LPAR1: variants seen among roughly 807,000 people sequenced by gnomAD.
LPAR1 encodes the protein LPA receptor 1.
In LPAR1, 5 loss-of-function variants were observed where a neutral mutation model predicts 23.8. The ratio of observed to expected loss-of-function variants is 0.21; its 90% CI spans 0.11 to 0.44. The LOEUF (loss-of-function observed/expected upper bound fraction) is 0.44. LPAR1 is among the 20% of genes least tolerant of loss of function. The pLI is 0.99. For missense variants in LPAR1, 311 were observed against 482.8 expected, an observed-to-expected ratio of 0.64 and a Z score of 3.33; for synonymous variants, 160 against 164.7, an observed-to-expected ratio of 0.97 and a Z score of 0.22.
At chr9:111,018,220 T>C (rs1014283135) in intron 2 of LPAR1, among the ~76,000 whole-genome samples, 7 of 152,216 alleles carry the variant, frequency 4.6e-5, no homozygotes, top group Admixed American at 4.6e-4. Flanking sequence ...AAGTTTCCCA[T>C]TGCTCTAATC....
intron 2 of LPAR1, among the ~76,000 whole-genome samples, chr9:110,995,703 C>T (rs1353327027): frequency 1.3e-5 from 2 of 152,144 alleles, no homozygotes; most frequent in African/African-American, 4.8e-5. Flanking sequence ...ATATACAATT[C>T]TATGAATAGC....
intron 5 of LPAR1, among the ~76,000 whole-genome samples, chr9:110,940,972 T>A (rs2095060331): frequency 6.6e-6 from 1 of 152,198 alleles, no homozygotes. Flanking sequence ...ATACTACCTA[T>A]AATGTAGCAA....
chr9:110,892,938 A>G (rs750474372), intron 5 of LPAR1, among the ~76,000 whole-genome samples: 106 of 152,240 alleles, frequency 7.0e-4, no homozygotes, highest in Admixed American at 1.1e-3. Context: ...GGGGAAACCC[A>G]TGATTGTCCA....
chr9:111,008,348 C>T (rs2097261931), intron 2 of LPAR1, among the ~76,000 whole-genome samples: 1 of 152,060 alleles, frequency 6.6e-6, no homozygotes, highest in South Asian at 2.1e-4. Context: ...CATAAGCACA[C>T]ACCTCCACCT....
At chr9:110,982,329 AC>A (rs1184134110) in intron 2 of LPAR1, among the ~76,000 whole-genome samples, 1 of 152,176 alleles carries the variant, frequency 6.6e-6, no homozygotes, top group African/African-American at 2.4e-5. Flanking sequence ...CTTTTCAGGG[AC>A]ATGGATGAAA....
At chr9:110,921,665 T>G (rs889866612) in intron 5 of LPAR1, among the ~76,000 whole-genome samples, 1 of 152,164 alleles carries the variant, frequency 6.6e-6, no homozygotes, top group Non-Finnish European at 1.5e-5. Context: ...TTTTCCGGGT[T>G]GATACTCCAA....
intron 2 of LPAR1, among the ~76,000 whole-genome samples, chr9:110,996,664 CTA>C (rs1021200101): frequency 1.3e-5 from 2 of 152,124 alleles, no homozygotes; most frequent in Non-Finnish European, 2.9e-5. Context: ...TGGCAAGTCT[CTA>C]AATCTTTTGT....
At chr9:110,968,297 G>A (rs948813315) in intron 4 of LPAR1, among the ~76,000 whole-genome samples, 4 of 152,072 alleles carry the variant, frequency 2.6e-5, no homozygotes, top group Admixed American at 1.3e-4. Flanking sequence ...CAATTGGCTC[G>A]CGAAATTCCT....
intron 2 of LPAR1, among the ~76,000 whole-genome samples, chr9:111,017,405 T>C (rs546663484): frequency 6.6e-6 from 1 of 152,304 alleles, no homozygotes; most frequent in South Asian, 2.1e-4. Flanking sequence ...ATATCAAATT[T>C]AATTGGATTA....
chr9:111,021,755 G>A (rs1424292719), intron 2 of LPAR1, among the ~76,000 whole-genome samples: 4 of 152,108 alleles, frequency 2.6e-5, no homozygotes, highest in Non-Finnish European at 5.9e-5. Context: ...GAGGTCAGGA[G>A]TTCAAGACCA....
At chr9:110,979,446 T>C (rs923389048) in intron 2 of LPAR1, among the ~76,000 whole-genome samples, 1 of 152,096 alleles carries the variant, frequency 6.6e-6, no homozygotes, top group African/African-American at 2.4e-5. Flanking sequence ...ACTCAAAATA[T>C]TTCCTAAAAC....
intron 2 of LPAR1, among the ~76,000 whole-genome samples, chr9:110,982,967 G>C (rs2139110286): frequency 6.6e-6 from 1 of 151,084 alleles, no homozygotes; most frequent in East Asian, 1.9e-4. Flanking sequence ...AAAATAGTAA[G>C]ATAACATCTG....
chr9:110,994,804 AC>A (rs1381804729), intron 2 of LPAR1, among the ~76,000 whole-genome samples: 1 of 152,182 alleles, frequency 6.6e-6, no homozygotes, highest in African/African-American at 2.4e-5. Flanking sequence ...GTACATGACT[AC>A]CCCAGACACA....
Position 110,972,131 on chromosome 9 carries a change from T to C in LPAR1, c.-14A>G, listed in dbSNP as rs202185391. Reference sequence around the variant, plus strand: ...GATGGCAGCCATGACAGCTCTGTGGTTGTAGGTGGTGAACACGCCCCAGAA... The same window carrying C: ...GATGGCAGCCATGACAGCTCTGTGGCTGTAGGTGGTGAACACGCCCCAGAA... On this transcript the variant is annotated 5_prime_UTR_variant, in exon 4 of 6. Transcript: ENST00000683809. 13 of 1,613,682 alleles carry C rather than the reference T, an allele frequency of 8.1e-6. No homozygotes were observed. The African/African-American group carries it at 1.2e-4, about 15-fold the overall frequency.
intron 2 of LPAR1, among the ~76,000 whole-genome samples, chr9:111,005,042 G>C (rs1356588614): frequency 6.6e-6 from 1 of 150,568 alleles, no homozygotes; most frequent in Non-Finnish European, 1.5e-5. Context: ...TGTGCCTGTG[G>C]TTCCAGGTAC....
At chr9:110,943,294 T>C (rs1033118539) in intron 4 of LPAR1, among the ~76,000 whole-genome samples, 1 of 151,766 alleles carries the variant, frequency 6.6e-6, no homozygotes, top group African/African-American at 2.4e-5. Context: ...TTCTACTTTT[T>C]CATTTTTATT....
chr9:110,902,941 G>A lies in LPAR1; in HGVS notation c.794-27219C>T, dbSNP rs542628940. Among the ~76,000 whole-genome samples, 3 of 152,280 alleles carry A rather than the reference G, an allele frequency of 2.0e-5. No individual in the cohort carries two copies. The South Asian group carries it at 6.2e-4, about 32-fold the overall frequency. ...CTAGCAGCCCCAGATAAACCAAGAA[G>A]ACCAAAATAGCACCACAAAGTCTCT... is the stretch of plus-strand genomic sequence containing the variant. On this transcript the variant is annotated intron_variant, in intron 5 of 5. Coordinates refer to ENST00000683809, the MANE Select transcript of LPAR1 (RefSeq NM_001351411.2).
intron 5 of LPAR1, among the ~76,000 whole-genome samples, chr9:110,907,234 G>T (rs1250966109): frequency 6.6e-6 from 1 of 152,104 alleles, no homozygotes; most frequent in Non-Finnish European, 1.5e-5. Context: ...AATCAAGAGA[G>T]GAACAGAGAG....
intron 2 of LPAR1, among the ~76,000 whole-genome samples, chr9:110,987,327 A>G (rs2096803615): frequency 6.6e-6 from 1 of 150,470 alleles, no homozygotes; most frequent in South Asian, 2.1e-4. Context: ...TATTGCATAT[A>G]TAATAGGTAT....
Sources: gnomAD v4.1 joint callset for allele counts (sites outside exome capture counted in the v4.1 genomes callset) on GRCh38, gnomAD v4.1.1 for gene constraint, MANE v1.5 for transcripts, NCBI Gene and HGNC (gene_info 2026-07-23, HGNC 2026-07-21) for gene names.